The following IPO7 variants were observed in gnomAD, a reference collection of about 807,000 sequenced individuals.
The protein encoded by IPO7 is importin-7.
Under a neutral mutation model 136.4 loss-of-function variants are expected in IPO7, and 13 were observed. The observed-to-expected ratio is 0.10, with a 90% confidence interval of 0.06 to 0.15. The LOEUF is 0.15. Ranked by LOEUF, IPO7 falls within the 10% of genes least tolerant of loss-of-function variation. The pLI is 1.00. For missense variants in IPO7, 857 were observed against 1,240.6 expected, an observed-to-expected ratio of 0.69 and a Z score of 4.65; for synonymous variants, 403 against 404.4, an observed-to-expected ratio of 1.00 and a Z score of 0.04.
chr11:9,440,427 T>C lies in IPO7; in HGVS notation c.2696-28T>C, dbSNP rs138360574. ...TGAGTAACAAAATATGTCATTGTTATAAAAGTACTTATATTATGACTTGGC... is the reference window on the plus strand; with the variant it reads ...TGAGTAACAAAATATGTCATTGTTACAAAAGTACTTATATTATGACTTGGC... On this transcript the variant is annotated intron_variant, in intron 22 of 24. Transcript: ENST00000379719. 1,196 of 1,553,028 alleles carry C rather than the reference T, an allele frequency of 7.7e-4. 4 individuals carry two copies. The African/African-American group carries it at 0.015, about 19-fold the overall frequency.
intron 15 of IPO7, chr11:9,430,674 A>AG (rs1335482673): frequency 3.9e-6 from 2 of 516,064 alleles, no homozygotes; most frequent in Non-Finnish European, 6.8e-6. Context: ...GGTCAAGAGA[A>AG]GTCAAGTAGC....
rs1489727155 is a variant in IPO7 at position 9,446,852 on chromosome 11, A to G, written c.*1658A>G. 6.6e-6 allele frequency: 1 copy of G among 152,146 alleles called. No homozygotes were observed. Among genetic ancestry groups the G allele is most frequent in the South Asian group, 2.1e-4 (1 of 4,828 alleles). 9.4% of individuals were successfully genotyped at this position (152,146 alleles called of 1,614,324 possible). A position where few individuals can be genotyped will look rare whatever the true frequency, so the allele number is the denominator to read the frequency against. On this transcript the variant is annotated 3_prime_UTR_variant, in exon 25 of 25. Transcript: ENST00000379719. ...CACTGAAGGAGTGAAAGTATTTCCT[A>G]TATTTATGAATTTACTACTAAAATC...
chr11:9,439,014 C>G (rs1855423546), intron 22 of IPO7, among the ~76,000 whole-genome samples: 1 of 152,016 alleles, frequency 6.6e-6, no homozygotes, highest in South Asian at 2.1e-4. Flanking sequence ...TGGCATGAGC[C>G]TATAGTCCCA....
intron 2 of IPO7, among the ~76,000 whole-genome samples, chr11:9,405,387 G>A (rs1272596842): frequency 1.3e-5 from 2 of 152,066 alleles, no homozygotes; most frequent in African/African-American, 4.8e-5. Context: ...TGTTAGCCAG[G>A]ATGGTCTCCA....
intron 10 of IPO7, among the ~76,000 whole-genome samples, chr11:9,424,403 A>ATAATAAAACTGAGTTCTGAGTT (rs1855174712): frequency 6.6e-6 from 1 of 152,216 alleles, no homozygotes; most frequent in Non-Finnish European, 1.5e-5. Context: ...GTTCTGAGTT[A>ATAATAAAACTGAGTTCTGAGTT]ATAAATAAAA....
At chr11:9,392,194 T>TTTTTG in intron 1 of IPO7, 1 of 322,560 alleles carries the variant, frequency 3.1e-6, no homozygotes, top group Middle Eastern at 1.2e-3. Flanking sequence ...TTTTTTTTTT[T>TTTTTG]GAGACGGAGT....
intron 24 of IPO7, among the ~76,000 whole-genome samples, chr11:9,442,738 T>A (rs1855475836): frequency 6.6e-6 from 1 of 150,954 alleles, no homozygotes; most frequent in Admixed American, 6.6e-5. Context: ...TTAAGTATAA[T>A]TGGGCCAGGT....
intron 8 of IPO7, among the ~76,000 whole-genome samples, chr11:9,421,248 C>T (rs1855123089): frequency 6.8e-6 from 1 of 147,946 alleles, no homozygotes; most frequent in Admixed American, 6.8e-5. Flanking sequence ...GGCATGAACC[C>T]CCACCCCCGG....
intron 1 of IPO7, among the ~76,000 whole-genome samples, chr11:9,394,046 C>T (rs1419820701): frequency 6.6e-6 from 1 of 151,946 alleles, no homozygotes; most frequent in African/African-American, 2.4e-5. Flanking sequence ...CCACGCCCAG[C>T]TAATTTTTGT....
intron 15 of IPO7, 90 bp from the exon 16 acceptor site, chr11:9,430,785 A>T: frequency 9.8e-7 from 1 of 1,015,812 alleles, no homozygotes; most frequent in South Asian, 1.5e-5. Flanking sequence ...TGGTATCCCA[A>T]TGAGAACGTT....
chr11:9,413,690 A>G (rs1160833364), intron 4 of IPO7, among the ~76,000 whole-genome samples: 9 of 151,770 alleles, frequency 5.9e-5, no homozygotes, highest in East Asian at 1.9e-4. Flanking sequence ...CTCATAATAC[A>G]TGTTCAGAAA....
chr11:9,399,538 T>C (rs1854764261), intron 1 of IPO7, among the ~76,000 whole-genome samples: 1 of 152,036 alleles, frequency 6.6e-6, no homozygotes, highest in African/African-American at 2.4e-5. Flanking sequence ...AGGAAGGTGG[T>C]GAGGATTACT....
chr11:9,411,854 C>T (rs1018829940), intron 4 of IPO7, among the ~76,000 whole-genome samples: 2 of 152,128 alleles, frequency 1.3e-5, no homozygotes, highest in African/African-American at 2.4e-5. Flanking sequence ...TAGTACCACT[C>T]AACTCCCAGT....
chr11:9,415,665 T>C (rs10743107), intron 5 of IPO7, among the ~76,000 whole-genome samples: 80,166 of 151,714 alleles, frequency 0.53, 22,774 homozygotes, highest in Non-Finnish European at 0.64. Flanking sequence ...GGTGAAACCC[T>C]GTCTCTACTA....
At chr11:9,426,654 T>C (rs1192824524) in intron 12 of IPO7, among the ~76,000 whole-genome samples, 1 of 152,234 alleles carries the variant, frequency 6.6e-6, no homozygotes, top group Admixed American at 6.5e-5. Flanking sequence ...CATTATGTCT[T>C]TGTGGCTTTG....
chr11:9,390,774 A>G (rs1854618260), intron 1 of IPO7, among the ~76,000 whole-genome samples: 1 of 152,298 alleles, frequency 6.6e-6, no homozygotes, highest in African/African-American at 2.4e-5. Flanking sequence ...ACATACAAAA[A>G]AAATTTTTTT....
At chr11:9,403,155 GA>G in intron 1 of IPO7, 134 bp from the exon 2 acceptor site, 1 of 677,980 alleles carries the variant, frequency 1.5e-6, no homozygotes, top group Non-Finnish European at 2.6e-6. Context: ...GGAGTGATGA[GA>G]AATAAGACTG....
Position 9,425,207 on chromosome 11 carries a change from GAAA to G in IPO7, c.1285_1287del (p.Lys429del). The G allele has an allele frequency of 6.2e-7, 1 of 1,612,102 alleles. No homozygotes were observed. The highest frequency in any genetic ancestry group is 2.2e-5 in the East Asian group (1 of 44,872). On this transcript the variant is annotated inframe_deletion, in exon 12 of 25. Coordinates refer to ENST00000379719, the MANE Select transcript of IPO7 (RefSeq NM_006391.3). ...CTTACAGAACCAAATGCTGACCCTC[GAAA>G]AAAAGATGGAGCCCTGCATATGATT...
At chr11:9,400,727 A>T (rs1854782300) in intron 1 of IPO7, among the ~76,000 whole-genome samples, 1 of 152,024 alleles carries the variant, frequency 6.6e-6, no homozygotes, top group South Asian at 2.1e-4. Flanking sequence ...CGGCCTACTA[A>T]ATAAGTAATT....
Sources: gnomAD v4.1 joint callset for allele counts (sites outside exome capture counted in the v4.1 genomes callset) on GRCh38, gnomAD v4.1.1 for gene constraint, MANE v1.5 for transcripts, NCBI Gene and HGNC (gene_info 2026-07-23, HGNC 2026-07-21) for gene names.